The following ZNF841 variants were observed in gnomAD, a reference collection of about 807,000 sequenced individuals.
ZNF841 encodes the protein TCONS_00006091.
Under a neutral mutation model 13.0 loss-of-function variants are expected in ZNF841, and 11 were observed. The ratio of observed to expected loss-of-function variants is 0.85; its 90% CI spans 0.53 to 1.40. ZNF841 has a LOEUF of 1.40. Ranked by LOEUF, ZNF841 falls within the 40% of genes most tolerant of loss-of-function variation. The probability of loss-of-function intolerance (pLI) is 0.00; values close to 1 mark genes in which losing one functional copy is unlikely to be tolerated. For synonymous variants in ZNF841, 369 were observed against 381.6 expected (o/e 0.97, Z 0.38); for missense variants, 1,068 against 1,139.5 (o/e 0.94, Z 0.90).
intron 1 of ZNF841, among the ~76,000 whole-genome samples, chr19:52,095,168 G>A (rs1368972933): frequency 6.6e-6 from 1 of 152,178 alleles, no homozygotes; most frequent in Non-Finnish European, 1.5e-5. Context: ...ACAGACTCAG[G>A]TAACCTGTCC....
chr19:52,088,290 G>A (rs1042517884), intron 3 of ZNF841, among the ~76,000 whole-genome samples: 4 of 152,100 alleles, frequency 2.6e-5, no homozygotes, highest in African/African-American at 7.2e-5. Flanking sequence ...AGAACAATAT[G>A]AGTTTGGATT....
intron 5 of ZNF841, 143 bp downstream of exon 5, chr19:52,076,815 G>A (rs2087915999): frequency 2.1e-6 from 2 of 965,076 alleles, no homozygotes; most frequent in East Asian, 6.0e-5. Context: ...AAGGCCAGAT[G>A]CAGCATTATG....
intron 4 of ZNF841, among the ~76,000 whole-genome samples, chr19:52,079,044 T>A: frequency 6.6e-6 from 1 of 151,690 alleles, no homozygotes; most frequent in Middle Eastern, 3.5e-3. Flanking sequence ...GTATTTCATT[T>A]ACTTTGTACT....
chr19:52,059,455 A>C, the ZNF841 span, among the ~76,000 whole-genome samples: 1 of 149,562 alleles, frequency 6.7e-6, no homozygotes, highest in African/African-American at 2.5e-5. Context: ...AATATGTAGA[A>C]GGTCCCTTAC....
chr19:52,074,305 A>G (rs551995929), intron 6 of ZNF841, among the ~76,000 whole-genome samples: 1 of 152,386 alleles, frequency 6.6e-6, no homozygotes, highest in South Asian at 2.1e-4. Flanking sequence ...TTTATAATAC[A>G]TGAAAATGCA....
downstream of ZNF841, chr19:52,064,372 A>AAAC (rs1555778933): frequency 6.2e-5 from 8 of 129,066 alleles, 1 homozygote; most frequent in African/African-American, 2.6e-4. Context: ...AAAAAAAAAA[A>AAAC]AAAAAAAAAA....
Position 52,065,972 on chromosome 19 carries a change from T to C in ZNF841, c.1910A>G (p.Tyr637Cys), listed in dbSNP as rs755079959. 2 of 1,613,854 alleles carry C rather than the reference T, an allele frequency of 1.2e-6. No homozygotes were observed. The highest frequency in any genetic ancestry group is 8.5e-7 in the Non-Finnish European group (1 of 1,179,942). Residue 637 changes from tyrosine (Y) to cysteine (C), a missense_variant, in exon 7 of 7, where the codon TAC (tyrosine) becomes TGC (cysteine). Coordinates refer to ENST00000594440, the MANE Select transcript of ZNF841 (RefSeq NM_001136499.2). ...TTTCCGATGACGTGCTAGGCATGAG[T>C]AGTAACTGAAGACCTTGCCGCATTC... ...CNECGKVFSYYSCLARHRKIH... is the reference protein window; with the variant it reads ...CNECGKVFSYCSCLARHRKIH...
Position 52,084,831 on chromosome 19 carries a change from C to T in ZNF841, c.-30G>A, listed in dbSNP as rs2088217660. 1.2e-6 allele frequency: 2 copies of T among 1,608,992 alleles called. No individual in the cohort carries two copies. The highest frequency in any genetic ancestry group is 8.5e-7 in the Non-Finnish European group (1 of 1,177,808). On this transcript the variant is annotated 5_prime_UTR_variant, in exon 4 of 7. Coordinates refer to ENST00000594440, the MANE Select transcript of ZNF841 (RefSeq NM_001136499.2). Reference sequence around the variant, plus strand: ...GGCTCCTTTTCTTTCTTCTTTCTCTCCTGGGCCTCTCTCTCAGTCAATATA... The same window carrying T: ...GGCTCCTTTTCTTTCTTCTTTCTCTTCTGGGCCTCTCTCTCAGTCAATATA...
chr19:52,065,004 C>T lies in ZNF841; in HGVS notation c.*103G>A. On this transcript the variant is annotated 3_prime_UTR_variant, in exon 7 of 7. Transcript: ENST00000594440. ...GAGAAAGCCACCCCCATCATCCAAT[C>T]ACCTCCCACTAGGCTCCACCTCCAA... 9.6e-7 allele frequency: 1 copy of T among 1,045,666 alleles called. No homozygotes were observed. Among genetic ancestry groups the T allele is most frequent in the Non-Finnish European group, 1.3e-6 (1 of 749,508 alleles). 64.8% of individuals were successfully genotyped at this position (1,045,666 alleles called of 1,614,324 possible).
At chr19:52,062,055 G>A (rs2087410345), downstream of ZNF841, among the ~76,000 whole-genome samples, 1 of 151,988 alleles carries the variant, frequency 6.6e-6, no homozygotes, top group African/African-American at 2.4e-5. Flanking sequence ...CGAATGGCCA[G>A]TCCTATTGCA....
rs554219341 is a variant in ZNF841, at chr19:52,066,225, C to T, written c.1657G>A (p.Gly553Ser). The T allele has an allele frequency of 8.1e-5, 130 of 1,609,684 alleles. 1 individual carries two copies. The highest frequency in any genetic ancestry group is 1.6e-4 in the Middle Eastern group (1 of 6,062). Residue 553 changes from glycine to serine, a missense_variant, in exon 7 of 7, where the codon GGT becomes AGT. Coordinates refer to ENST00000594440, the MANE Select transcript of ZNF841 (RefSeq NM_001136499.2). ...CTCATATGAACCGAAAGGTATCCAC[C>T]GTAATTAAAGACCTTGCCACACACA... is the stretch of plus-strand genomic sequence containing the variant. ...CNVCGKVFNYGGYLSVHMRCH... is the reference protein window; with the variant it reads ...CNVCGKVFNYSGYLSVHMRCH...
chr19:52,067,916 C>CACCAATTTACACCAATTT (rs2087633747), intron 6 of ZNF841, among the ~76,000 whole-genome samples: 4 of 152,064 alleles, frequency 2.6e-5, no homozygotes, highest in Non-Finnish European at 5.9e-5. Flanking sequence ...CCCCAAATGA[C>CACCAATTTACACCAATTT]ACACCAATTG....
chr19:52,086,408 A>C (rs2088277079), intron 3 of ZNF841, among the ~76,000 whole-genome samples: 1 of 152,134 alleles, frequency 6.6e-6, no homozygotes, highest in Non-Finnish European at 1.5e-5. Context: ...TGCTCCCGCC[A>C]TGTGAGACGC....
rs1051812260 is a variant in ZNF841, at chr19:52,078,370, C to T, written c.16-1286G>A. On this transcript the variant is annotated intron_variant, in intron 4 of 6. Transcript: ENST00000594440. Reference sequence around the variant, plus strand: ...ACTATTCATAAAACTAATCCATTCACATGATAATATAGAAGGCAATTTTAA... The same window carrying T: ...ACTATTCATAAAACTAATCCATTCATATGATAATATAGAAGGCAATTTTAA... 2.0e-5 allele frequency among the ~76,000 whole-genome samples: 3 copies of T among 152,212 alleles called. No individual in the cohort carries two copies. In the East Asian group the frequency reaches 5.8e-4, roughly 29 times the overall value.
In ZNF841 at chr19:52,067,557, T is replaced by C; in HGVS notation, c.325A>G (p.Thr109Ala). 1 of 1,599,008 alleles carries C rather than the reference T, an allele frequency of 6.3e-7. No individual in the cohort carries two copies. The highest frequency in any genetic ancestry group is 8.5e-7 in the Non-Finnish European group (1 of 1,174,688). ...KELPPIQNSN[T>A]GEKFQAVMLE... ...ATCACTGCTTGGAATTTTTCTCCTG[T>C]GTTACTGTTCTGTATTGGTGGTAAT... The change falls in exon 7 of 7, where the codon ACA (threonine) becomes GCA (alanine). Residue 109 changes from threonine to alanine, a missense_variant. By Grantham distance (58) the Thr-to-Ala change is moderately conservative. Transcript: ENST00000594440.
rs1384751015 is a variant in ZNF841 at position 52,093,903 on chromosome 19, G to A, written c.-201C>T. ...AATTCCAGTGCGTTGAGAGGCTGAG[G>A]TGGAAAGACTGCTTGAGGCCAGGAA... On this transcript the variant is annotated 5_prime_UTR_variant, in exon 2 of 7. Coordinates refer to ENST00000594440, the MANE Select transcript of ZNF841 (RefSeq NM_001136499.2). The A allele has an allele frequency of 6.6e-6, 1 of 152,228 alleles. No homozygotes were observed. The highest frequency in any genetic ancestry group is 2.4e-5 in the African/African-American group (1 of 41,438). The allele number at this position is 152,228 out of a possible 1,614,324, so 9.4% of individuals were successfully genotyped here.
Position 52,085,374 on chromosome 19 carries a change from G to A in ZNF841, c.-77-496C>T, listed in dbSNP as rs568399758. 9.8e-5 allele frequency among the ~76,000 whole-genome samples: 15 copies of A among 152,348 alleles called. No individual in the cohort carries two copies. The East Asian group carries it at 2.3e-3, about 24-fold the overall frequency. ...GTGTATTTGCAAACTGCCTCAGCACGCTAATGTGAAGCCAGGGTTGAACAC... is the reference window on the plus strand; with the variant it reads ...GTGTATTTGCAAACTGCCTCAGCACACTAATGTGAAGCCAGGGTTGAACAC... On this transcript the variant is annotated intron_variant, in intron 3 of 6. Transcript: ENST00000594440.
rs1258255255 is a variant in ZNF841 at position 52,094,374 on chromosome 19, C to T, written c.-269-403G>A. 4.6e-5 allele frequency among the ~76,000 whole-genome samples: 7 copies of T among 152,088 alleles called. No individual in the cohort carries two copies. The East Asian group carries it at 1.3e-3, about 29-fold the overall frequency. On this transcript the variant is annotated intron_variant, in intron 1 of 6. Coordinates refer to ENST00000594440, the MANE Select transcript of ZNF841 (RefSeq NM_001136499.2). ...GGGTCCTCTCCCGCTTTCTTCACGGCTATGTGTTTCCCTCTCTCATTCTGA... is the reference window on the plus strand; with the variant it reads ...GGGTCCTCTCCCGCTTTCTTCACGGTTATGTGTTTCCCTCTCTCATTCTGA...
At position 52,082,047 on chromosome 19, in the gene ZNF841, G is replaced by A. The variant is rs563863965; in HGVS notation, c.15+2740C>T. ...TAAAGAGAGTCTAAAGGGCTCATGG[G>A]GAAACCATCAAGCATCAAGAACGTA... On this transcript the variant is annotated intron_variant, in intron 4 of 6. Transcript: ENST00000594440. 1.6e-3 allele frequency among the ~76,000 whole-genome samples: 249 copies of A among 152,156 alleles called. 2 individuals are homozygous for A. The highest frequency in any genetic ancestry group is 5.8e-3 in the African/African-American group (240 of 41,520).
Sources: allele counts gnomAD v4.1 joint callset (sites outside exome capture counted in the v4.1 genomes callset), GRCh38; gene constraint gnomAD v4.1.1; transcripts MANE v1.5; gene names NCBI Gene and HGNC (gene_info 2026-07-23, HGNC 2026-07-21).